Variants in CHTOP observed in about 807,000 individuals in gnomAD.
The protein encoded by CHTOP is chromatin target of PRMT1 protein.
Under a neutral mutation model 33.6 loss-of-function variants are expected in CHTOP, and 18 were observed. The ratio of observed to expected loss-of-function variants is 0.54; its 90% CI spans 0.37 to 0.80. CHTOP has a LOEUF of 0.80. Ranked by LOEUF, CHTOP falls within the 30% of genes least tolerant of loss-of-function variation. The probability of loss-of-function intolerance (pLI) is 0.00; values close to 1 mark genes in which losing one functional copy is unlikely to be tolerated. For synonymous variants in CHTOP, 117 were observed against 127.7 expected, an observed-to-expected ratio of 0.92 and a Z score of 0.56; for missense variants, 263 against 336.8, an observed-to-expected ratio of 0.78 and a Z score of 1.71.
rs191808361 is a variant in CHTOP at position 153,642,032 on chromosome 1, G to A, written c.220-214G>A. Among the ~76,000 whole-genome samples, 7 of 152,312 alleles carry A rather than the reference G, an allele frequency of 4.6e-5. No homozygotes were observed. In the East Asian group the frequency reaches 1.2e-3, roughly 25 times the overall value. On this transcript the variant is annotated intron_variant, in intron 3 of 5. Coordinates refer to ENST00000368694, the MANE Select transcript of CHTOP (RefSeq NM_015607.4). ...TCATGGGACCACACTTGAGCTTCTT[G>A]GAGTTTCTGCTCTGGATCAAAATTC... is the stretch of plus-strand genomic sequence containing the variant.
In CHTOP at chr1:153,645,152, A is replaced by G. The variant is rs1004218550; in HGVS notation, c.630A>G (p.Val210=). Reference sequence around the variant, plus strand: ...GGAGAGGTGCCCTTGCTCGCCCTGTATTGACCAAGGAGCAGCTGGACAACC... The same window carrying G: ...GGAGAGGTGCCCTTGCTCGCCCTGTGTTGACCAAGGAGCAGCTGGACAACC... ...GRGRGALARP[V]LTKEQLDNQL... The change falls in exon 6 of 6, where the codon GTA becomes GTG. Residue 210 remains valine, a synonymous_variant. Coordinates refer to ENST00000368694, the MANE Select transcript of CHTOP (RefSeq NM_015607.4). 1.9e-6 allele frequency: 3 copies of G among 1,613,912 alleles called. No homozygotes were observed. The highest frequency in any genetic ancestry group is 1.7e-6 in the Non-Finnish European group (2 of 1,180,032).
intron 3 of CHTOP, 183 bp downstream of exon 3, chr1:153,638,631 C>T (rs1213444455): frequency 3.1e-6 from 2 of 649,952 alleles, no homozygotes; most frequent in Non-Finnish European, 5.5e-6. Context: ...TAACTTTTTA[C>T]TGTCTTTCTC....
At chr1:153,635,227 A>T (rs980781862) in intron 1 of CHTOP, among the ~76,000 whole-genome samples, 2 of 151,568 alleles carry the variant, frequency 1.3e-5, no homozygotes, top group Non-Finnish European at 2.9e-5. Flanking sequence ...CTTTCCCCCG[A>T]CCCCACAATT....
chr1:153,645,034 C>CTTT (rs375941274), intron 5 of CHTOP, 30 bp from the exon 6 acceptor site: 104 of 1,410,006 alleles, frequency 7.4e-5, no homozygotes, highest in African/African-American at 1.9e-4. Flanking sequence ...GTAACTGTCT[C>CTTT]TTTTTTTTTT....
intron 3 of CHTOP, chr1:153,638,670 T>C (rs1353813950): frequency 1.0e-5 from 6 of 585,612 alleles, no homozygotes; most frequent in African/African-American, 1.9e-5. Flanking sequence ...CTATGTGGCC[T>C]GTTTCTGTTA....
At chr1:153,644,276 C>G (rs1668727187) in intron 5 of CHTOP, 1 of 152,202 alleles carries the variant, frequency 6.6e-6, no homozygotes, top group African/African-American at 2.4e-5. Flanking sequence ...GAAGTGCAAG[C>G]TAGTTTGGGT....
chr1:153,638,025 A>C (rs906604340), intron 2 of CHTOP: 2 of 415,838 alleles, frequency 4.8e-6, no homozygotes, highest in Non-Finnish European at 4.4e-6. Flanking sequence ...CGTGTTTTTC[A>C]TACCTTCCAC....
At chr1:153,635,445 C>T (rs549969945) in intron 1 of CHTOP, among the ~76,000 whole-genome samples, 1 of 152,084 alleles carries the variant, frequency 6.6e-6, no homozygotes, top group Non-Finnish European at 1.5e-5. Flanking sequence ...AAGCACCGCG[C>T]CCGCCCTGTC....
intron 4 of CHTOP, 29 bp from the exon 5 acceptor site, chr1:153,643,198 G>C (rs1353796322): frequency 6.2e-7 from 1 of 1,613,434 alleles, no homozygotes. Context: ...GGATTTACCT[G>C]CATATACATT....
chr1:153,645,028 C>T (rs1387476060), intron 5 of CHTOP, 36 bp from the exon 6 acceptor site: 3 of 1,533,534 alleles, frequency 2.0e-6, no homozygotes, highest in Admixed American at 1.8e-5. Context: ...TTACTTGTAA[C>T]TGTCTCTTTT....
chr1:153,638,443 A>C lies in CHTOP; in HGVS notation c.214A>C (p.Lys72Gln). 6.2e-7 allele frequency: 1 copy of C among 1,614,188 alleles called. No individual in the cohort carries two copies. The highest frequency in any genetic ancestry group is 8.5e-7 in the Non-Finnish European group (1 of 1,180,022). ...RPSVQAALKLKQSLKQRLGKS... is the reference protein window; with the variant it reads ...RPSVQAALKLQQSLKQRLGKS... ...CTCTGTCCAGGCAGCATTAAAACTTAAGCAGGTGAGAGAATGGGTCTTAAT... is the reference window on the plus strand; with the variant it reads ...CTCTGTCCAGGCAGCATTAAAACTTCAGCAGGTGAGAGAATGGGTCTTAAT... Residue 72 changes from lysine to glutamine, a missense_variant, in exon 3 of 6, where the codon AAG becomes CAG. By Grantham distance (53) the Lys-to-Gln change is moderately conservative. Around this residue, in one of 3 missense-constraint regions of CHTOP, gnomAD observed 73 missense variants for 108.9 expected, o/e 0.67. Coordinates refer to ENST00000368694, the MANE Select transcript of CHTOP (RefSeq NM_015607.4).
rs1668813816 is a variant in CHTOP at position 153,646,007 on chromosome 1, GTACTATAGGGTTGGTTTA to G, written c.*743_*760del. ...CTGGGTTTGTATCATGACCAGAGGG[GTACTATAGGGTTGGTTTA>G]TACTGCAATATAGAGGATCAGAAGC... On this transcript the variant is annotated 3_prime_UTR_variant, in exon 6 of 6. Coordinates refer to ENST00000368694, the MANE Select transcript of CHTOP (RefSeq NM_015607.4). 6.6e-6 allele frequency: 1 copy of G among 152,270 alleles called. No individual in the cohort carries two copies. The allele number at this position is 152,270 out of a possible 1,614,324, so 9.4% of individuals were successfully genotyped here. A position where few individuals can be genotyped will look rare whatever the true frequency, so the allele number is the denominator to read the frequency against.
rs946183413 is a variant in CHTOP at position 153,643,292 on chromosome 1, C to G, written c.469C>G (p.Arg157Gly). The G allele has an allele frequency of 6.2e-7, 1 of 1,613,778 alleles. No homozygotes were observed. ...PRMGLRRGGV[R>G]GRGGPGRGGL... is the part of the protein sequence containing the mutation. Reference sequence around the variant, plus strand: ...AATGGGCTTAAGAAGAGGTGGTGTTCGAGGTCGTGGAGGTCCTGGGAGAGG... The same window carrying G: ...AATGGGCTTAAGAAGAGGTGGTGTTGGAGGTCGTGGAGGTCCTGGGAGAGG... The change falls in exon 5 of 6, where the codon CGA (arginine) becomes GGA (glycine). Residue 157 changes from arginine to glycine, a missense_variant. Coordinates refer to ENST00000368694, the MANE Select transcript of CHTOP (RefSeq NM_015607.4).
In CHTOP at chr1:153,644,926, T is replaced by C; in HGVS notation, c.542-138T>C. 7.1e-6 allele frequency: 5 copies of C among 703,150 alleles called. No individual in the cohort carries two copies. In the South Asian group the frequency reaches 7.9e-5, roughly 11 times the overall value. 43.6% of individuals were successfully genotyped at this position (703,150 alleles called of 1,614,324 possible). On this transcript the variant is annotated intron_variant, in intron 5 of 5. Coordinates refer to ENST00000368694, the MANE Select transcript of CHTOP (RefSeq NM_015607.4). ...GCTTTCTACCCATTGTGTTTCCTTT[T>C]TTTCCAGATTTCTCCTCTTTGCCCT... is the stretch of plus-strand genomic sequence containing the variant.
At chr1:153,643,402 T>TA (rs1342061275) in intron 5 of CHTOP, 38 bp downstream of exon 5, 4 of 1,474,086 alleles carry the variant, frequency 2.7e-6, no homozygotes, top group Non-Finnish European at 1.8e-6. Flanking sequence ...AGCTCCCCCT[T>TA]ACTTTCCTCC....
rs992337386 is a variant in CHTOP at position 153,646,282 on chromosome 1, A to T, written c.*1013A>T. The T allele has an allele frequency of 6.6e-6, 1 of 152,062 alleles. No individual in the cohort carries two copies. The highest frequency in any genetic ancestry group is 1.5e-5 in the Non-Finnish European group (1 of 68,022). 9.4% of individuals were successfully genotyped at this position (152,062 alleles called of 1,614,324 possible). A position where few individuals can be genotyped will look rare whatever the true frequency, so the allele number is the denominator to read the frequency against. Reference sequence around the variant, plus strand: ...TGGAATCTTGTATTTCTGGTTCATTATAACAAACTGTTCGCTTAAATCCAC... The same window carrying T: ...TGGAATCTTGTATTTCTGGTTCATTTTAACAAACTGTTCGCTTAAATCCAC... On this transcript the variant is annotated 3_prime_UTR_variant, in exon 6 of 6. Transcript: ENST00000368694.
intron 5 of CHTOP, 150 bp downstream of exon 5, chr1:153,643,514 C>T: frequency 2.5e-6 from 2 of 815,164 alleles, no homozygotes; most frequent in South Asian, 2.8e-5. Context: ...TTTCAAATTA[C>T]CATGCTGGTA....
At chr1:153,643,519 C>T (rs963278584) in intron 5 of CHTOP, 155 bp downstream of exon 5, 5 of 740,474 alleles carry the variant, frequency 6.8e-6, no homozygotes, top group Non-Finnish European at 8.1e-6. Flanking sequence ...AATTACCATG[C>T]TGGTAGTGCA....
At chr1:153,642,509 T>A in intron 4 of CHTOP, 80 bp downstream of exon 4, 1 of 1,174,230 alleles carries the variant, frequency 8.5e-7, no homozygotes, top group Non-Finnish European at 1.2e-6. Context: ...CACGTTTGTT[T>A]AACATCTTTA....
Sources: gnomAD v4.1 joint callset for allele counts (sites outside exome capture counted in the v4.1 genomes callset) on GRCh38, gnomAD v4.1.1 for gene constraint, gnomAD v4.1.1 regional missense constraint, MANE v1.5 for transcripts, NCBI Gene and HGNC (gene_info 2026-07-23, HGNC 2026-07-21) for gene names.